GALNT14: variants seen among roughly 807,000 people sequenced by gnomAD.
GALNT14 encodes polypeptide N-acetylgalactosaminyltransferase 14.
GALNT14 carries 60 observed loss-of-function variants against 77.5 expected under a neutral mutation model. That is an observed-to-expected ratio of 0.77 (90% CI 0.63 to 0.96). The LOEUF (loss-of-function observed/expected upper bound fraction) is 0.96, where lower values mean the gene tolerates loss of function less well. GALNT14 is among the 40% of genes least tolerant of loss of function. GALNT14 has a pLI of 0.00. For missense variants in GALNT14, 710 were observed against 731.0 expected, an observed-to-expected ratio of 0.97 and a Z score of 0.33; for synonymous variants, 280 against 281.7, an observed-to-expected ratio of 0.99 and a Z score of 0.06.
chr2:30,922,430 T>C (rs1256096227), intron 13 of GALNT14, among the ~76,000 whole-genome samples: 1 of 152,202 alleles, frequency 6.6e-6, no homozygotes, highest in Non-Finnish European at 1.5e-5. Context: ...GAGACCAGGA[T>C]TCAGCTCCTG....
chr2:30,902,806 C>T, the GALNT14 span, among the ~76,000 whole-genome samples: 2 of 152,226 alleles, frequency 1.3e-5, no homozygotes, highest in Admixed American at 1.3e-4. Context: ...AAGACAGGCA[C>T]ATACACTGAG....
intron 1 of GALNT14, chr2:31,129,777 C>T (rs956644097): frequency 2.0e-4 from 94 of 474,196 alleles, no homozygotes; most frequent in Non-Finnish European, 2.3e-4. Flanking sequence ...AGAGAAGCTA[C>T]ATAAATCTTC....
At chr2:31,032,017 G>A (rs1672445201) in intron 1 of GALNT14, among the ~76,000 whole-genome samples, 1 of 152,206 alleles carries the variant, frequency 6.6e-6, no homozygotes. Context: ...GCCTCCACTT[G>A]GAAGGAGGCA....
At chr2:30,947,936 T>C (rs1389501382) in intron 6 of GALNT14, among the ~76,000 whole-genome samples, 1 of 152,218 alleles carries the variant, frequency 6.6e-6, no homozygotes, top group Admixed American at 6.5e-5. Flanking sequence ...ACCTCTGGGA[T>C]GTCACAGATG....
At chr2:31,113,921 C>G (rs1677967546) in intron 1 of GALNT14, among the ~76,000 whole-genome samples, 1 of 152,102 alleles carries the variant, frequency 6.6e-6, no homozygotes, top group Non-Finnish European at 1.5e-5. Flanking sequence ...TTCAGGTGCA[C>G]TAAGATAGGG....
chr2:31,098,563 T>C (rs750440128), intron 1 of GALNT14, among the ~76,000 whole-genome samples: 2 of 152,140 alleles, frequency 1.3e-5, no homozygotes, highest in African/African-American at 4.8e-5. Flanking sequence ...AAACCATTGT[T>C]AGTCTGTTGT....
At chr2:31,137,022 A>G (rs920336781) in intron 1 of GALNT14, among the ~76,000 whole-genome samples, 7 of 152,098 alleles carry the variant, frequency 4.6e-5, no homozygotes, top group South Asian at 4.1e-4. Context: ...GTTTATAAAG[A>G]CTGCCTGGCT....
rs1224358119 is a variant in GALNT14 at position 31,068,324 on chromosome 2, T to TA, written c.129+69633dup. 7.9e-5 allele frequency among the ~76,000 whole-genome samples: 12 copies of TA among 151,940 alleles called. No individual in the cohort carries two copies. In the South Asian group the frequency reaches 1.9e-3, roughly 24 times the overall value. ...CAACATGGCGAAACCCCGTCTCTACTAAAAATACAAAAATTAGCCACGTGG... is the reference window on the plus strand; with the variant it reads ...CAACATGGCGAAACCCCGTCTCTACTAAAAAATACAAAAATTAGCCACGTGG... On this transcript the variant is annotated intron_variant, in intron 1 of 14. Coordinates refer to ENST00000349752, the MANE Select transcript of GALNT14 (RefSeq NM_024572.4).
intron 1 of GALNT14, among the ~76,000 whole-genome samples, chr2:31,001,502 A>T (rs1394322120): frequency 1.3e-5 from 2 of 152,214 alleles, no homozygotes; most frequent in African/African-American, 4.8e-5. Flanking sequence ...AGAAGGGGAC[A>T]AAGTGGTCCA....
At chr2:30,963,485 G>A (rs1011700724) in intron 3 of GALNT14, among the ~76,000 whole-genome samples, 2 of 152,184 alleles carry the variant, frequency 1.3e-5, no homozygotes, top group Admixed American at 6.5e-5. Flanking sequence ...GCAGGAAGAG[G>A]AGAAACATGT....
intron 1 of GALNT14, 96 bp from the exon 2 acceptor site, chr2:30,993,103 T>C (rs1471040278): frequency 1.5e-6 from 2 of 1,344,960 alleles, no homozygotes; most frequent in African/African-American, 2.9e-5. Flanking sequence ...ACCAGGCTTA[T>C]TCTGGCAAGG....
chr2:31,098,364 T>G (rs1677097660), intron 1 of GALNT14, among the ~76,000 whole-genome samples: 1 of 152,170 alleles, frequency 6.6e-6, no homozygotes, highest in African/African-American at 2.4e-5. Flanking sequence ...TATACTTTTC[T>G]GTATGTGGAG....
chr2:30,976,611 G>GTGTGTGT (rs1668644143), intron 2 of GALNT14, among the ~76,000 whole-genome samples: 2 of 143,720 alleles, frequency 1.4e-5, no homozygotes, highest in Admixed American at 6.6e-5. Context: ...ATGTGCGTGT[G>GTGTGTGT]CGTGTGTGTA....
chr2:31,070,191 C>T (rs1204846244), intron 1 of GALNT14, among the ~76,000 whole-genome samples: 5 of 152,198 alleles, frequency 3.3e-5, no homozygotes, highest in South Asian at 2.1e-4. Context: ...AGGTTGACCA[C>T]GGGCTATTCC....
chr2:30,915,874 G>C (rs1052368600), intron 13 of GALNT14, among the ~76,000 whole-genome samples: 3 of 152,302 alleles, frequency 2.0e-5, no homozygotes, highest in East Asian at 1.9e-4. Flanking sequence ...AAGCTTATAT[G>C]TAACAAAAGC....
At chr2:31,041,737 T>C (rs962159251) in intron 1 of GALNT14, among the ~76,000 whole-genome samples, 13 of 152,040 alleles carry the variant, frequency 8.6e-5, no homozygotes. Context: ...AATGTGGGAA[T>C]ATGCATTTGA....
intron 3 of GALNT14, among the ~76,000 whole-genome samples, chr2:30,963,862 G>T (rs1383445346): frequency 6.6e-6 from 1 of 152,072 alleles, no homozygotes; most frequent in South Asian, 2.1e-4. Flanking sequence ...TCCTTTAGCC[G>T]AATTAACCCT....
In GALNT14 at chr2:30,977,092, C is replaced by CTTTTTTTTT. The variant is rs11314175; in HGVS notation, c.300-10799_300-10791dup. Among the ~76,000 whole-genome samples the CTTTTTTTTT allele has an allele frequency of 1.1e-3, 154 of 135,098 alleles. 9 individuals are homozygous for CTTTTTTTTT. Among genetic ancestry groups the CTTTTTTTTT allele is most frequent in the African/African-American group, 4.2e-3 (136 of 32,600 alleles). The allele number at this position is 135,098 out of a possible 152,430, so 88.6% of individuals were successfully genotyped here. ...CTTTATTCCATATTGGCTTTTCTGT[C>CTTTTTTTTT]TTTTTTTTTTTTTTTGAGACAGGGT... On this transcript the variant is annotated intron_variant, in intron 2 of 14. Transcript: ENST00000349752.
intron 1 of GALNT14, among the ~76,000 whole-genome samples, chr2:31,039,787 GAC>G (rs538759853): frequency 2.0e-4 from 30 of 152,268 alleles, no homozygotes; most frequent in African/African-American, 5.3e-4. Flanking sequence ...GTTATTAGGA[GAC>G]ACAAGCCATA....
Sources: allele counts gnomAD v4.1 joint callset (sites outside exome capture counted in the v4.1 genomes callset), GRCh38; gene constraint gnomAD v4.1.1; transcripts MANE v1.5; gene names NCBI Gene and HGNC (gene_info 2026-07-23, HGNC 2026-07-21).